The following MANEA variants were observed in gnomAD, a reference collection of about 807,000 sequenced individuals.
MANEA encodes mannosidase endo-alpha, also known as glycoprotein endo-alpha-1,2-mannosidase.
In MANEA, 25 loss-of-function variants were observed where a neutral mutation model predicts 36.8. The observed-to-expected ratio is 0.68, with a 90% CI of 0.50 to 0.95. The LOEUF (loss-of-function observed/expected upper bound fraction) is 0.95. Ranked by LOEUF, MANEA falls within the 40% of genes least tolerant of loss-of-function variation. MANEA has a pLI of 0.00. For synonymous variants in MANEA, 198 were observed against 188.5 expected (o/e 1.05, Z -0.41); for missense variants, 565 against 558.8 (o/e 1.01, Z -0.11).
chr6:95,586,371 T>C lies in MANEA; in HGVS notation c.-38-31T>C, dbSNP rs1769280713. On this transcript the variant is annotated intron_variant, in intron 1 of 4. Coordinates refer to ENST00000358812, the MANE Select transcript of MANEA (RefSeq NM_024641.4). ...TATTGGAAAATACTGTTGATAACAC[T>C]TACTAATTATCTTTTTTCAATAAAT... The C allele has an allele frequency of 3.9e-6, 5 of 1,266,418 alleles. No individual in the cohort carries two copies. In the South Asian group the frequency reaches 5.8e-5, roughly 15 times the overall value. 78.4% of individuals were successfully genotyped at this position (1,266,418 alleles called of 1,614,324 possible). A position where few individuals can be genotyped will look rare whatever the true frequency, so the allele number is the denominator to read the frequency against.
At position 95,606,125 on chromosome 6, in the gene MANEA, C is replaced by T. The variant is rs376275370; in HGVS notation, c.1109C>T (p.Thr370Met). Residue 370 changes from threonine to methionine, a missense_variant, in exon 5 of 5, where the codon ACG (threonine) becomes ATG (methionine). Thr to Met is a moderately conservative substitution (Grantham distance 81). Transcript: ENST00000358812. The stretch of plus-strand genomic sequence containing the variant: ...GATACCAGCATCCGTCCATGGAACA[C>T]GCAAAACACTCGGAACCGAATCAAT... ...YIDTSIRPWN[T>M]QNTRNRINGK... is the part of the protein sequence containing the mutation. 95 of 1,613,852 alleles carry T rather than the reference C, an allele frequency of 5.9e-5. No homozygotes were observed. The highest frequency in any genetic ancestry group is 9.9e-5 in the South Asian group (9 of 91,080).
chr6:95,591,314 A>T (rs1305409986), intron 2 of MANEA, among the ~76,000 whole-genome samples: 3 of 152,098 alleles, frequency 2.0e-5, no homozygotes. Context: ...ATTTTGAAAG[A>T]TGTTTCATCA....
At position 95,609,107 on chromosome 6, in the gene MANEA, A is replaced by T. The variant is rs1200583020; in HGVS notation, c.*2702A>T. 6.6e-6 allele frequency: 1 copy of T among 151,710 alleles called. No individual in the cohort carries two copies. The highest frequency in any genetic ancestry group is 6.6e-5 in the Admixed American group (1 of 15,214). The allele number at this position is 151,710 out of a possible 1,614,324, so 9.4% of individuals were successfully genotyped here. A position where few individuals can be genotyped will look rare whatever the true frequency, so the allele number is the denominator to read the frequency against. Reference sequence around the variant, plus strand: ...TAACACAGTTTAAATTGTTATGATAACAAGTAAATAAGAGCAAAGAATGTA... The same window carrying T: ...TAACACAGTTTAAATTGTTATGATATCAAGTAAATAAGAGCAAAGAATGTA... On this transcript the variant is annotated 3_prime_UTR_variant, in exon 5 of 5. Coordinates refer to ENST00000358812, the MANE Select transcript of MANEA (RefSeq NM_024641.4).
chr6:95,593,417 G>T (rs952118360), intron 2 of MANEA, among the ~76,000 whole-genome samples: 1 of 152,150 alleles, frequency 6.6e-6, no homozygotes, highest in Non-Finnish European at 1.5e-5. Context: ...GAGTATACTT[G>T]CAAAGAGGAT....
chr6:95,592,125 A>C (rs1224806765), intron 2 of MANEA, among the ~76,000 whole-genome samples: 1 of 152,010 alleles, frequency 6.6e-6, no homozygotes. Context: ...CTTTTTTCTC[A>C]TTATGGTAAT....
At chr6:95,579,043 C>A (rs1018004805) in intron 1 of MANEA, among the ~76,000 whole-genome samples, 2 of 152,160 alleles carry the variant, frequency 1.3e-5, no homozygotes, top group African/African-American at 4.8e-5. Flanking sequence ...AAGTTACCAA[C>A]TGCTCAGCTT....
In MANEA at chr6:95,587,057, A is replaced by G. The variant is rs760730439; in HGVS notation, c.544+74A>G. ...TATAAATGATTTTTTGTGTAACTTT[A>G]CTAGTTAATTTTCTCATTATTATTA... On this transcript the variant is annotated intron_variant, in intron 2 of 4. Transcript: ENST00000358812. 3.5e-6 allele frequency: 3 copies of G among 867,458 alleles called. No homozygotes were observed. The African/African-American group carries it at 5.2e-5, about 15-fold the overall frequency. The allele number at this position is 867,458 out of a possible 1,614,324, so 53.7% of individuals were successfully genotyped here.
At chr6:95,601,198 C>G (rs1562200250) in intron 3 of MANEA, among the ~76,000 whole-genome samples, 3 of 152,152 alleles carry the variant, frequency 2.0e-5, no homozygotes, top group Non-Finnish European at 4.4e-5. Flanking sequence ...GCTGGTTTTG[C>G]AGAGAGTGTA....
At chr6:95,583,070 T>C (rs1446254723) in intron 1 of MANEA, among the ~76,000 whole-genome samples, 1 of 152,196 alleles carries the variant, frequency 6.6e-6, no homozygotes, top group Non-Finnish European at 1.5e-5. Flanking sequence ...ATTTCCCCAT[T>C]TGTAATTAAT....
chr6:95,597,843 A>T (rs1005840821), intron 3 of MANEA, among the ~76,000 whole-genome samples: 1 of 152,118 alleles, frequency 6.6e-6, no homozygotes, highest in Admixed American at 6.6e-5. Context: ...AGTAGTCTGG[A>T]TAAATTAATC....
chr6:95,586,920 T>TA lies in MANEA; in HGVS notation c.482dup (p.Tyr161Ter). ...CAGCTTTTATCCTGAATTGGGAAGT[T>TA]ACAGTTCTCGGGATCCTTCTGTCAT... ...GSSFYPELGS[Y>*]SSRDPSVIET... is the part of the protein sequence containing the mutation. The change falls in exon 2 of 5, where the codon TAC becomes TAAC. Residue 161 changes from tyrosine (Y) to a stop codon, truncating the protein, a stop_gained and frameshift_variant. Transcript: ENST00000358812. LOFTEE classifies it high-confidence loss of function. The TA allele has an allele frequency of 6.2e-7, 1 of 1,613,424 alleles. No individual in the cohort carries two copies. Among genetic ancestry groups the TA allele is most frequent in the South Asian group, 1.1e-5 (1 of 91,060 alleles).
At chr6:95,582,797 T>C (rs1426275785) in intron 1 of MANEA, among the ~76,000 whole-genome samples, 1 of 152,224 alleles carries the variant, frequency 6.6e-6, no homozygotes, top group Non-Finnish European at 1.5e-5. Flanking sequence ...ATATATAGTG[T>C]ATGTATGTGG....
intron 1 of MANEA, 82 bp from the exon 2 acceptor site, chr6:95,586,320 A>T (rs1769279765): frequency 1.3e-6 from 1 of 758,774 alleles, no homozygotes; most frequent in South Asian, 1.8e-5. Context: ...AATGAAATTT[A>T]TGGATTTTAG....
intron 2 of MANEA, 198 bp downstream of exon 2, chr6:95,587,181 AATTTTTAC>A: frequency 4.1e-6 from 2 of 487,062 alleles, no homozygotes; most frequent in Non-Finnish European, 7.4e-6. Flanking sequence ...TATATTGTTT[AATTTTTAC>A]ATTTTGGAGC....
At chr6:95,590,820 A>G (rs1029529277) in intron 2 of MANEA, among the ~76,000 whole-genome samples, 1 of 152,132 alleles carries the variant, frequency 6.6e-6, no homozygotes, top group African/African-American at 2.4e-5. Flanking sequence ...GATATTCCCT[A>G]TGTTTCCCTC....
At position 95,609,189 on chromosome 6, in the gene MANEA, AATAC is replaced by A. The variant is rs527566245; in HGVS notation, c.*2790_*2793del. ...AATATGGTATAACTTAAAGTGGTAT[AATAC>A]ATACAATGCATGAATCATAATGGAT... On this transcript the variant is annotated 3_prime_UTR_variant, in exon 5 of 5. Transcript: ENST00000358812. The A allele has an allele frequency of 2.6e-3, 400 of 151,878 alleles. 4 individuals are homozygous for A. The highest frequency in any genetic ancestry group is 8.0e-3 in the African/African-American group (333 of 41,540). The allele number at this position is 151,878 out of a possible 1,614,324, so 9.4% of individuals were successfully genotyped here.
rs199703446 is a variant in MANEA at position 95,586,404 on chromosome 6, A to T, written c.-36A>T. 1 of 1,531,178 alleles carries T rather than the reference A, an allele frequency of 6.5e-7. No homozygotes were observed. The highest frequency in any genetic ancestry group is 8.9e-7 in the Non-Finnish European group (1 of 1,128,882). 94.8% of individuals were successfully genotyped at this position (1,531,178 alleles called of 1,614,324 possible). A position where few individuals can be genotyped will look rare whatever the true frequency, so the allele number is the denominator to read the frequency against. On this transcript the variant is annotated splice_region_variant and 5_prime_UTR_variant, in exon 2 of 5. Coordinates refer to ENST00000358812, the MANE Select transcript of MANEA (RefSeq NM_024641.4). Reference sequence around the variant, plus strand: ...TATCTTTTTTCAATAAATTGCAGCAAAACACTTACTATTTTGGAGTTTAAA... The same window carrying T: ...TATCTTTTTTCAATAAATTGCAGCATAACACTTACTATTTTGGAGTTTAAA...
In MANEA at chr6:95,605,888, G is replaced by A. The variant is rs769373190; in HGVS notation, c.872G>A (p.Arg291His). ...LLTTSGSRSI[R>H]NSPYDGLFIA... ...ACCACCTCAGGGTCTCGGAGTATTC[G>A]CAATTCTCCTTATGATGGACTGTTT... The change falls in exon 5 of 5, where the codon CGC becomes CAC. Residue 291 changes from arginine (R) to histidine (H), a missense_variant. By Grantham distance (29) the Arg-to-His change is conservative. Transcript: ENST00000358812. 6.8e-6 allele frequency: 11 copies of A among 1,613,684 alleles called. No individual in the cohort carries two copies. The highest frequency in any genetic ancestry group is 4.5e-5 in the East Asian group (2 of 44,872).
chr6:95,604,516 A>G (rs1279330192), intron 3 of MANEA, among the ~76,000 whole-genome samples: 1 of 152,018 alleles, frequency 6.6e-6, no homozygotes, highest in African/African-American at 2.4e-5. Context: ...ATTACCTCCA[A>G]CAAACTGGGT....
Sources: gnomAD v4.1 joint callset for allele counts (sites outside exome capture counted in the v4.1 genomes callset) on GRCh38, gnomAD v4.1.1 for gene constraint, MANE v1.5 for transcripts, NCBI Gene and HGNC (gene_info 2026-07-23, HGNC 2026-07-21) for gene names.